Variants in RABGAP1L observed in about 807,000 individuals in gnomAD.
The protein encoded by RABGAP1L is RAB GTPase activating protein 1 like, also known as rab GTPase-activating protein 1-like.
Under a neutral mutation model 137.7 loss-of-function variants are expected in RABGAP1L, and 63 were observed. The ratio of observed to expected loss-of-function variants is 0.46; its 90% confidence interval spans 0.37 to 0.56. The LOEUF (loss-of-function observed/expected upper bound fraction) is 0.56, where lower values mean the gene tolerates loss of function less well. Ranked by LOEUF, RABGAP1L falls within the 20% of genes least tolerant of loss-of-function variation. RABGAP1L has a pLI of 0.00. For missense variants in RABGAP1L, 1,095 were observed against 1,244.0 expected (o/e 0.88, Z 1.80); for synonymous variants, 431 against 433.7 (o/e 0.99, Z 0.08).
chr1:174,722,558 C>T lies in RABGAP1L; in HGVS notation c.2169+20302C>T, dbSNP rs184938422. 6.6e-3 allele frequency among the ~76,000 whole-genome samples: 994 copies of T among 151,712 alleles called. 7 individuals are homozygous for T. Among genetic ancestry groups the T allele is most frequent in the African/African-American group, 0.023 (947 of 41,330 alleles). The stretch of plus-strand genomic sequence containing the variant: ...TCTGTCTCCTGGGTTCAAGCGATTC[C>T]CCTGCCTCAGCCTCCCAAGTGGCTG... On this transcript the variant is annotated intron_variant, in intron 17 of 25. Transcript: ENST00000681986.
At chr1:174,778,443 T>C (rs907357713) in intron 18 of RABGAP1L, among the ~76,000 whole-genome samples, 11 of 152,200 alleles carry the variant, frequency 7.2e-5, no homozygotes, top group Admixed American at 2.0e-4. Context: ...ATGAATCTGC[T>C]CTATGCAAAA....
chr1:174,421,187 T>TA (rs2149164683), intron 13 of RABGAP1L, among the ~76,000 whole-genome samples: 1 of 152,326 alleles, frequency 6.6e-6, no homozygotes, highest in East Asian at 1.9e-4. Context: ...TATTTTTTTT[T>TA]ATCTTGAAGG....
rs532121791 is a variant in RABGAP1L, at chr1:174,184,426, G to A, written c.-34+24769G>A. ...TAAATACCAGGGAGTGCAATTGTGG[G>A]GTCATATGGTAAGACTGTGTTTAGT... On this transcript the variant is annotated intron_variant, in intron 1 of 25. Transcript: ENST00000681986. Among the ~76,000 whole-genome samples, 3 of 152,120 alleles carry A rather than the reference G, an allele frequency of 2.0e-5. 1 individual carries two copies. The South Asian group carries it at 6.2e-4, about 32-fold the overall frequency.
At chr1:174,316,293 C>A (rs1322243136) in intron 11 of RABGAP1L, among the ~76,000 whole-genome samples, 1 of 152,114 alleles carries the variant, frequency 6.6e-6, no homozygotes, top group Non-Finnish European at 1.5e-5. Context: ...GGTGTTGATG[C>A]TAGTAGATGT....
intron 18 of RABGAP1L, among the ~76,000 whole-genome samples, chr1:174,806,378 T>C (rs1036039078): frequency 6.6e-6 from 1 of 152,194 alleles, no homozygotes; most frequent in Admixed American, 6.5e-5. Flanking sequence ...GGCAGGAGAA[T>C]GGCTTGAGGC....
At chr1:174,502,784 T>C (rs2147769084) in intron 13 of RABGAP1L, among the ~76,000 whole-genome samples, 1 of 151,920 alleles carries the variant, frequency 6.6e-6, no homozygotes, top group Middle Eastern at 3.4e-3. Context: ...GAATATGAGA[T>C]GAATTAGTGA....
At chr1:174,206,752 G>A (rs1668531647) in intron 1 of RABGAP1L, among the ~76,000 whole-genome samples, 1 of 152,146 alleles carries the variant, frequency 6.6e-6, no homozygotes, top group Non-Finnish European at 1.5e-5. Flanking sequence ...GTTATTTTGG[G>A]AAGAAAATAG....
At chr1:174,383,099 C>G (rs1686331663) in intron 12 of RABGAP1L, among the ~76,000 whole-genome samples, 1 of 151,050 alleles carries the variant, frequency 6.6e-6, no homozygotes. Flanking sequence ...AGTTAGGCTG[C>G]TCGGGGGTCA....
chr1:174,570,701 G>T (rs1164317914), intron 13 of RABGAP1L, among the ~76,000 whole-genome samples: 1 of 151,832 alleles, frequency 6.6e-6, no homozygotes, highest in Non-Finnish European at 1.5e-5. Context: ...TAAATAAAAA[G>T]ACAAAAAAAC....
rs557421922 is a variant in RABGAP1L, at chr1:174,800,488, T to A, written c.2212-11344T>A. ...GGATGGGGCATCGTCTGTTTGTGCC[T>A]CGGCTTCTGGCGGTGAGATTGTTTT... On this transcript the variant is annotated intron_variant, in intron 18 of 25. Coordinates refer to ENST00000681986, the MANE Select transcript of RABGAP1L (RefSeq NM_001366446.1). 3.9e-5 allele frequency: 61 copies of A among 1,550,676 alleles called. No individual in the cohort carries two copies. The South Asian group carries it at 6.9e-4, about 18-fold the overall frequency.
At chr1:174,797,433 A>G (rs1688324011) in intron 18 of RABGAP1L, among the ~76,000 whole-genome samples, 1 of 151,618 alleles carries the variant, frequency 6.6e-6, no homozygotes, top group African/African-American at 2.4e-5. Context: ...ACAAGGTAAA[A>G]ATGGAGCTGA....
At chr1:174,299,439 C>G (rs1289467481) in intron 10 of RABGAP1L, among the ~76,000 whole-genome samples, 1 of 152,184 alleles carries the variant, frequency 6.6e-6, no homozygotes, top group East Asian at 1.9e-4. Flanking sequence ...GAGATTGACT[C>G]AGCCTCAGTA....
rs569293991 is a variant in RABGAP1L, at chr1:174,914,504, A to C, written c.2341-42953A>C. Among the ~76,000 whole-genome samples the C allele has an allele frequency of 8.5e-5, 13 of 152,324 alleles. No homozygotes were observed. In the South Asian group the frequency reaches 1.2e-3, roughly 15 times the overall value. On this transcript the variant is annotated intron_variant, in intron 19 of 25. Coordinates refer to ENST00000681986, the MANE Select transcript of RABGAP1L (RefSeq NM_001366446.1). ...AGAAGCAGAGTGGATACTGAAGTAC[A>C]ACTTTAGTAGTCTCTGCCACAGTAA...
At chr1:174,422,131 ATAGGTACCCGTACT>A (rs1359967019) in intron 13 of RABGAP1L, among the ~76,000 whole-genome samples, 1 of 152,178 alleles carries the variant, frequency 6.6e-6, no homozygotes, top group African/African-American at 2.4e-5. Flanking sequence ...ATGTTGTTGC[ATAGGTACCCGTACT>A]TAGAAAGATC....
At position 174,962,208 on chromosome 1, in the gene RABGAP1L, C is replaced by CCG. The variant is rs1417591127; in HGVS notation, c.2433+4659_2433+4660insCG. Among the ~76,000 whole-genome samples, 9 of 131,976 alleles carry CCG rather than the reference C, an allele frequency of 6.8e-5. 2 individuals are homozygous for CCG. The highest frequency in any genetic ancestry group is 2.4e-4 in the African/African-American group (8 of 33,974). The allele number at this position is 131,976 out of a possible 152,430, so 86.6% of individuals were successfully genotyped here. A position where few individuals can be genotyped will look rare whatever the true frequency, so the allele number is the denominator to read the frequency against. ...AAAATAAAAATACACCCCCCCCCCA[C>CCG]ACACACACACAGCTAGTTAATTAAA... is the stretch of plus-strand genomic sequence containing the variant. On this transcript the variant is annotated intron_variant, in intron 20 of 25. Transcript: ENST00000681986.
At chr1:174,723,376 A>G (rs151261615) in intron 17 of RABGAP1L, among the ~76,000 whole-genome samples, 8 of 152,316 alleles carry the variant, frequency 5.3e-5, no homozygotes, top group Non-Finnish European at 1.2e-4. Flanking sequence ...TGCCCGTCCA[A>G]AATTTTTGTA....
intron 14 of RABGAP1L, among the ~76,000 whole-genome samples, chr1:174,650,700 T>A (rs1186121081): frequency 5.3e-5 from 8 of 151,104 alleles, no homozygotes; most frequent in Middle Eastern, 6.8e-3. Context: ...TCATTTTTTA[T>A]TGCGTCTATT....
chr1:174,917,969 C>T (rs958513063), intron 19 of RABGAP1L, among the ~76,000 whole-genome samples: 3 of 148,952 alleles, frequency 2.0e-5, no homozygotes, highest in African/African-American at 2.5e-5. Context: ...AACATGTATA[C>T]GTGTATTGAG....
chr1:174,950,044 G>C (rs1667476342), intron 19 of RABGAP1L, among the ~76,000 whole-genome samples: 1 of 152,198 alleles, frequency 6.6e-6, no homozygotes, highest in Non-Finnish European at 1.5e-5. Flanking sequence ...AAAGGTCCAG[G>C]TACATGTCAC....
Sources: allele counts gnomAD v4.1 joint callset (sites outside exome capture counted in the v4.1 genomes callset), GRCh38; gene constraint gnomAD v4.1.1; transcripts MANE v1.5; gene names NCBI Gene and HGNC (gene_info 2026-07-23, HGNC 2026-07-21).